The following AFAP1L1 variants were observed in gnomAD, a reference collection of about 807,000 sequenced individuals.
AFAP1L1 encodes the protein actin filament-associated protein 1-like 1.
Under a neutral mutation model 99.8 loss-of-function variants are expected in AFAP1L1, and 77 were observed. The ratio of observed to expected loss-of-function variants is 0.77; its 90% CI spans 0.64 to 0.93. The LOEUF (loss-of-function observed/expected upper bound fraction) is 0.93, where lower values mean the gene tolerates loss of function less well. Ranked by LOEUF, AFAP1L1 falls within the 40% of genes least tolerant of loss-of-function variation. The pLI is 0.00. For missense variants in AFAP1L1, 893 were observed against 996.8 expected (o/e 0.90, Z 1.40); for synonymous variants, 373 against 395.3 (o/e 0.94, Z 0.67).
intron 1 of AFAP1L1, among the ~76,000 whole-genome samples, chr5:149,281,392 G>A (rs193301549): frequency 6.6e-5 from 10 of 152,206 alleles, no homozygotes; most frequent in Non-Finnish European, 8.8e-5. Flanking sequence ...GCAGCTCAGC[G>A]TCATCTCCCT....
At chr5:149,324,416 G>C (rs936010526) in intron 15 of AFAP1L1, among the ~76,000 whole-genome samples, 1 of 152,096 alleles carries the variant, frequency 6.6e-6, no homozygotes, top group African/African-American at 2.4e-5. Flanking sequence ...CCTACCAAAG[G>C]CCCCACCTCC....
At chr5:149,323,009 C>T (rs1757000176) in intron 15 of AFAP1L1, among the ~76,000 whole-genome samples, 1 of 152,152 alleles carries the variant, frequency 6.6e-6, no homozygotes, top group Non-Finnish European at 1.5e-5. Context: ...TCAGCTCCAG[C>T]AGATGATCCC....
At chr5:149,283,989 A>G (rs958230032) in intron 1 of AFAP1L1, among the ~76,000 whole-genome samples, 2 of 152,228 alleles carry the variant, frequency 1.3e-5, no homozygotes, top group Non-Finnish European at 2.9e-5. Context: ...GGTCATATCT[A>G]GTCAGTGTCC....
chr5:149,301,354 T>C, intron 4 of AFAP1L1, 124 bp downstream of exon 4: 1 of 771,588 alleles, frequency 1.3e-6, no homozygotes, highest in South Asian at 1.7e-5. Context: ...TCTCTCGGGT[T>C]GTGGGTGAGG....
At chr5:149,288,296 G>A (rs576328297) in intron 1 of AFAP1L1, among the ~76,000 whole-genome samples, 1 of 152,330 alleles carries the variant, frequency 6.6e-6, no homozygotes, top group Non-Finnish European at 1.5e-5. Flanking sequence ...CCTGCCAACT[G>A]TGTGCCTTTA....
chr5:149,335,860 C>T (rs1757393427), intron 18 of AFAP1L1, 138 bp downstream of exon 18: 1 of 1,187,988 alleles, frequency 8.4e-7, no homozygotes, highest in East Asian at 2.5e-5. Flanking sequence ...ACTCATGAAC[C>T]TTCCTCAGAA....
At chr5:149,277,188 T>G (rs1284298596) in intron 1 of AFAP1L1, among the ~76,000 whole-genome samples, 3 of 152,240 alleles carry the variant, frequency 2.0e-5, no homozygotes, top group Non-Finnish European at 4.4e-5. Flanking sequence ...CAACTGGTTC[T>G]TTTTCAACTA....
In AFAP1L1 at chr5:149,310,143, G is replaced by A; in HGVS notation, c.927+8G>A. On this transcript the variant is annotated splice_region_variant and intron_variant, in intron 8 of 18. Transcript: ENST00000296721. ...GCCGAGGAGTGGCTGAAGGTGCGTG[G>A]CCTGCACCTGACCTTCCCGCCTTCT... The A allele has an allele frequency of 6.3e-7, 1 of 1,580,764 alleles. No individual in the cohort carries two copies. Among genetic ancestry groups the A allele is most frequent in the Non-Finnish European group, 8.6e-7 (1 of 1,162,202 alleles).
At chr5:149,311,006 G>C in intron 8 of AFAP1L1, among the ~76,000 whole-genome samples, 1 of 152,220 alleles carries the variant, frequency 6.6e-6, no homozygotes, top group East Asian at 1.9e-4. Context: ...CTGCCAGGCA[G>C]TGAGTGTGTG....
At chr5:149,332,493 A>G (rs1472519032) in intron 16 of AFAP1L1, among the ~76,000 whole-genome samples, 2 of 152,228 alleles carry the variant, frequency 1.3e-5, no homozygotes, top group Non-Finnish European at 2.9e-5. Context: ...AGACATATGA[A>G]GAACATAATG....
chr5:149,290,030 G>A (rs751497070), intron 1 of AFAP1L1, among the ~76,000 whole-genome samples: 2 of 152,132 alleles, frequency 1.3e-5, no homozygotes, highest in East Asian at 1.9e-4. Context: ...TCAGGAGATC[G>A]AGACCATCCT....
intron 1 of AFAP1L1, among the ~76,000 whole-genome samples, chr5:149,273,082 C>T (rs1310795176): frequency 6.6e-6 from 1 of 151,546 alleles, no homozygotes; most frequent in East Asian, 1.9e-4. Context: ...AAGAAGTGGC[C>T]TGCTTGGACA....
chr5:149,335,318 T>A (rs1363465771), intron 17 of AFAP1L1, among the ~76,000 whole-genome samples: 2 of 151,934 alleles, frequency 1.3e-5, no homozygotes, highest in Non-Finnish European at 2.9e-5. Flanking sequence ...TGAAACCCCA[T>A]CTCTACTAAA....
intron 3 of AFAP1L1, 30 bp downstream of exon 3, chr5:149,300,384 G>A (rs1248678984): frequency 1.1e-5 from 18 of 1,588,842 alleles, no homozygotes; most frequent in Admixed American, 5.1e-5. Context: ...CCTCAGCTAC[G>A]GAGCCATCCC....
At chr5:149,289,012 A>G (rs1223196080) in intron 1 of AFAP1L1, among the ~76,000 whole-genome samples, 1 of 152,216 alleles carries the variant, frequency 6.6e-6, no homozygotes, top group Non-Finnish European at 1.5e-5. Context: ...GTACTCTACC[A>G]TCTCTAACAA....
At chr5:149,302,600 C>G (rs892081670) in intron 5 of AFAP1L1, 74 bp downstream of exon 5, 9 of 1,299,046 alleles carry the variant, frequency 6.9e-6, no homozygotes, top group Non-Finnish European at 8.5e-6. Flanking sequence ...CCTCTGTGTC[C>G]TGTGGGAGCT....
intron 7 of AFAP1L1, 96 bp from the exon 8 acceptor site, chr5:149,309,860 A>AG: frequency 6.6e-7 from 1 of 1,515,582 alleles, no homozygotes; most frequent in Non-Finnish European, 9.1e-7. Context: ...AGGTCTCTAA[A>AG]GGGAGGTCGG....
chr5:149,314,179 A>C (rs558802640), intron 9 of AFAP1L1, among the ~76,000 whole-genome samples: 1 of 152,338 alleles, frequency 6.6e-6, no homozygotes, highest in East Asian at 1.9e-4. Flanking sequence ...ATGGGTACTC[A>C]TGTGCCCAGG....
At chr5:149,308,571 G>T (rs1756509172) in intron 7 of AFAP1L1, among the ~76,000 whole-genome samples, 1 of 152,082 alleles carries the variant, frequency 6.6e-6, no homozygotes, top group Non-Finnish European at 1.5e-5. Context: ...AAAAAGAATA[G>T]CTTCTCTCCC....
Sources: allele counts gnomAD v4.1 joint callset (sites outside exome capture counted in the v4.1 genomes callset), GRCh38; gene constraint gnomAD v4.1.1; transcripts MANE v1.5; gene names NCBI Gene and HGNC (gene_info 2026-07-23, HGNC 2026-07-21).